The following SH3GL2 variants were observed in gnomAD, a reference collection of about 807,000 sequenced individuals.
SH3GL2 encodes the protein endophilin-A1.
A neutral mutation model predicts 46.0 loss-of-function variants in SH3GL2; 24 were observed. That is an observed-to-expected ratio of 0.52 (90% CI 0.38 to 0.73). The LOEUF is 0.73. SH3GL2 is among the 30% of genes least tolerant of loss of function. The pLI, the probability that SH3GL2 is intolerant of heterozygous loss-of-function variation, is 0.00. For missense variants in SH3GL2, 413 were observed against 424.2 expected, an observed-to-expected ratio of 0.97 and a Z score of 0.23; for synonymous variants, 196 against 147.1, an observed-to-expected ratio of 1.33 and a Z score of -2.40.
chr9:17,629,943 A>G (rs1819381069), intron 1 of SH3GL2, among the ~76,000 whole-genome samples: 1 of 152,130 alleles, frequency 6.6e-6, no homozygotes, highest in South Asian at 2.1e-4. Context: ...GGCCACCTGT[A>G]ATGGAATCAC....
At chr9:17,691,161 G>A (rs1283636320) in intron 1 of SH3GL2, among the ~76,000 whole-genome samples, 1 of 152,064 alleles carries the variant, frequency 6.6e-6, no homozygotes, top group African/African-American at 2.4e-5. Context: ...TAGTTTTTGT[G>A]TTTCTCACTT....
chr9:17,645,982 C>T (rs934400846), intron 1 of SH3GL2, among the ~76,000 whole-genome samples: 1 of 152,010 alleles, frequency 6.6e-6, no homozygotes, highest in Non-Finnish European at 1.5e-5. Context: ...AACTTGGTTC[C>T]GTTTTCCCCA....
intron 1 of SH3GL2, among the ~76,000 whole-genome samples, chr9:17,673,218 G>A (rs1820517167): frequency 1.3e-5 from 2 of 151,836 alleles, no homozygotes; most frequent in African/African-American, 4.8e-5. Flanking sequence ...GTGCGATTAT[G>A]GCTCACTGCA....
At chr9:17,695,622 A>T (rs3808704) in intron 1 of SH3GL2, among the ~76,000 whole-genome samples, 43,241 of 151,840 alleles carry the variant, frequency 0.28, 7,126 homozygotes, top group East Asian at 0.51. Flanking sequence ...TTTCTCTGTA[A>T]AAAGCCCTTT....
chr9:17,770,559 G>T (rs569727601), intron 3 of SH3GL2, among the ~76,000 whole-genome samples: 1 of 152,052 alleles, frequency 6.6e-6, no homozygotes, highest in Admixed American at 6.5e-5. Context: ...TATGGCAAAG[G>T]TAATGGAATC....
At chr9:17,622,547 C>A (rs995608115) in intron 1 of SH3GL2, among the ~76,000 whole-genome samples, 1 of 152,134 alleles carries the variant, frequency 6.6e-6, no homozygotes, top group Non-Finnish European at 1.5e-5. Flanking sequence ...CATGTTTCAT[C>A]ATAGGTGTCC....
Position 17,787,473 on chromosome 9 carries a change from C to G in SH3GL2, c.425C>G (p.Pro142Arg), listed in dbSNP as rs762646779. ...GAAGTGAAGCAGAACTTCATTGACC[C>G]TCTTCAGAATCTTCATGACAAAGAT... is the stretch of plus-strand genomic sequence containing the variant. Reference protein sequence around the residue: ...DIEVKQNFIDPLQNLHDKDLR... With the variant: ...DIEVKQNFIDRLQNLHDKDLR... Residue 142 changes from proline (P) to arginine (R), a missense_variant, in exon 5 of 9, where the codon CCT (proline) becomes CGT (arginine). Coordinates refer to ENST00000380607, the MANE Select transcript of SH3GL2 (RefSeq NM_003026.5). 3.7e-6 allele frequency: 6 copies of G among 1,612,752 alleles called. No homozygotes were observed. The South Asian group carries it at 4.4e-5, about 12-fold the overall frequency.
Position 17,795,910 on chromosome 9 carries a change from G to A in SH3GL2, c.*167G>A. On this transcript the variant is annotated 3_prime_UTR_variant, in exon 9 of 9. Coordinates refer to ENST00000380607, the MANE Select transcript of SH3GL2 (RefSeq NM_003026.5). Reference sequence around the variant, plus strand: ...CTTGTGGGCTCCCACAGGAGTCATGGTGATGGATGATATCCTCTTAGCCTG... The same window carrying A: ...CTTGTGGGCTCCCACAGGAGTCATGATGATGGATGATATCCTCTTAGCCTG... 1 of 607,672 alleles carries A rather than the reference G, an allele frequency of 1.6e-6. No individual in the cohort carries two copies. The highest frequency in any genetic ancestry group is 1.8e-5 in the African/African-American group (1 of 54,074). 37.6% of individuals were successfully genotyped at this position (607,672 alleles called of 1,614,324 possible).
intron 1 of SH3GL2, among the ~76,000 whole-genome samples, chr9:17,599,536 T>C (rs1264991506): frequency 6.6e-6 from 1 of 151,286 alleles, no homozygotes; most frequent in Non-Finnish European, 1.5e-5. Flanking sequence ...GTAGGATAAT[T>C]GGGGATGTGC....
At chr9:17,693,054 G>A (rs1386363293) in intron 1 of SH3GL2, among the ~76,000 whole-genome samples, 1 of 152,134 alleles carries the variant, frequency 6.6e-6, no homozygotes. Context: ...TTGAGATTTG[G>A]ATGGGGACAC....
At chr9:17,659,609 C>T (rs912927898) in intron 1 of SH3GL2, among the ~76,000 whole-genome samples, 6 of 152,250 alleles carry the variant, frequency 3.9e-5, no homozygotes, top group South Asian at 4.1e-4. Context: ...TGTACTTACA[C>T]GCTCTCTGGA....
At chr9:17,747,023 G>T (rs1822708418) in intron 1 of SH3GL2, 43 bp from the exon 2 acceptor site, 5 of 1,324,472 alleles carry the variant, frequency 3.8e-6, no homozygotes, top group African/African-American at 1.5e-5. Flanking sequence ...ATTTTTTAAA[G>T]AAACTGTTTA....
chr9:17,650,797 A>G (rs1194481439), intron 1 of SH3GL2, among the ~76,000 whole-genome samples: 1 of 152,192 alleles, frequency 6.6e-6, no homozygotes, highest in Admixed American at 6.5e-5. Context: ...GCTCATGATA[A>G]TTCTTTTTAG....
intron 1 of SH3GL2, among the ~76,000 whole-genome samples, chr9:17,619,910 T>C (rs1819098511): frequency 6.6e-6 from 1 of 152,200 alleles, no homozygotes; most frequent in Non-Finnish European, 1.5e-5. Context: ...CTCATTAGAA[T>C]TCATTGTCAT....
intron 1 of SH3GL2, among the ~76,000 whole-genome samples, chr9:17,608,859 A>C (rs1355764244): frequency 6.6e-6 from 1 of 152,264 alleles, no homozygotes; most frequent in Non-Finnish European, 1.5e-5. Flanking sequence ...TTTTTATTGA[A>C]TGTAGACAGA....
intron 1 of SH3GL2, among the ~76,000 whole-genome samples, chr9:17,631,205 G>A (rs1486335689): frequency 6.6e-5 from 10 of 152,118 alleles, no homozygotes; most frequent in Non-Finnish European, 7.4e-5. Flanking sequence ...TTTCATCAAC[G>A]GAGCAGTTTC....
chr9:17,639,155 A>G (rs1360687981), intron 1 of SH3GL2, among the ~76,000 whole-genome samples: 3 of 152,200 alleles, frequency 2.0e-5, no homozygotes, highest in Non-Finnish European at 4.4e-5. Flanking sequence ...TAGATTATGG[A>G]AAGATTTATT....
At chr9:17,745,003 G>A (rs1284762483) in intron 1 of SH3GL2, among the ~76,000 whole-genome samples, 1 of 152,186 alleles carries the variant, frequency 6.6e-6, no homozygotes, top group African/African-American at 2.4e-5. Flanking sequence ...CTTCAGAGCT[G>A]TTGGGTGGAT....
At chr9:17,586,093 A>G (rs1429950752) in intron 1 of SH3GL2, among the ~76,000 whole-genome samples, 4 of 152,216 alleles carry the variant, frequency 2.6e-5, no homozygotes, top group Admixed American at 6.5e-5. Context: ...AAATATTTTC[A>G]TGCTATACTA....
Sources: gnomAD v4.1 joint callset for allele counts (sites outside exome capture counted in the v4.1 genomes callset) on GRCh38, gnomAD v4.1.1 for gene constraint, MANE v1.5 for transcripts, NCBI Gene and HGNC (gene_info 2026-07-23, HGNC 2026-07-21) for gene names.